COL25A1: variants seen among roughly 807,000 people sequenced by gnomAD.
The protein encoded by COL25A1 is collagen type XXV alpha 1 chain, also known as collagen alpha-1(XXV) chain.
Under a neutral mutation model 128.4 loss-of-function variants are expected in COL25A1, and 103 were observed. The observed-to-expected ratio is 0.80, with a 90% CI of 0.68 to 0.94. The LOEUF (loss-of-function observed/expected upper bound fraction) is 0.94, where lower values mean the gene tolerates loss of function less well. Among genes scored for constraint, COL25A1 ranks in the 40% least tolerant of loss-of-function variants. The pLI is 0.00. For synonymous variants in COL25A1, 279 were observed against 277.2 expected, an observed-to-expected ratio of 1.01 and a Z score of -0.06; for missense variants, 745 against 840.0, an observed-to-expected ratio of 0.89 and a Z score of 1.40.
intron 8 of COL25A1, among the ~76,000 whole-genome samples, chr4:108,973,827 TCCTAC>T (rs1388903158): frequency 1.9e-3 from 295 of 152,302 alleles, no homozygotes; most frequent in African/African-American, 6.8e-3. Flanking sequence ...GAATGCTCCC[TCCTAC>T]CTGCAATGCT....
At chr4:108,945,105 G>T (rs1426775890) in intron 8 of COL25A1, among the ~76,000 whole-genome samples, 1 of 152,002 alleles carries the variant, frequency 6.6e-6, no homozygotes, top group Non-Finnish European at 1.5e-5. Flanking sequence ...GTGTTTCAAA[G>T]CAATAATAAA....
In COL25A1 at chr4:109,083,452, T is replaced by TAAA. The variant is rs1560659251; in HGVS notation, c.368-33274_368-33273insTTT. On this transcript the variant is annotated intron_variant, in intron 3 of 37. Transcript: ENST00000399132. The stretch of plus-strand genomic sequence containing the variant: ...AATAACTTTTACACTAAATAAATTT[T>TAAA]TTTTTTTTTTTTTTTTTTTTTTTTT... Among the ~76,000 whole-genome samples, 511 of 110,484 alleles carry TAAA rather than the reference T, an allele frequency of 4.6e-3. 16 individuals are homozygous for TAAA. The highest frequency in any genetic ancestry group is 0.017 in the African/African-American group (472 of 26,984). The allele number at this position is 110,484 out of a possible 152,430, so 72.5% of individuals were successfully genotyped here.
At chr4:108,845,039 G>A in intron 29 of COL25A1, 150 bp downstream of exon 29, 1 of 741,488 alleles carries the variant, frequency 1.3e-6, no homozygotes, top group Admixed American at 2.0e-5. Flanking sequence ...GTGCAGGGCT[G>A]ACGGATGTTT....
intron 3 of COL25A1, among the ~76,000 whole-genome samples, chr4:109,274,106 T>C (rs749962206): frequency 5.9e-5 from 9 of 152,312 alleles, no homozygotes; most frequent in Non-Finnish European, 1.2e-4. Context: ...AAAATCAATC[T>C]TGGATGGTGT....
At chr4:108,873,713 A>C (rs987467937) in intron 19 of COL25A1, among the ~76,000 whole-genome samples, 29 of 152,106 alleles carry the variant, frequency 1.9e-4, no homozygotes, top group African/African-American at 6.5e-4. Flanking sequence ...AGTAACCCTA[A>C]ATTTTCTCAG....
intron 3 of COL25A1, among the ~76,000 whole-genome samples, chr4:109,233,868 T>C (rs1239370710): frequency 6.6e-6 from 1 of 152,114 alleles, no homozygotes; most frequent in African/African-American, 2.4e-5. Context: ...CTTTTCCATC[T>C]ACTCAACAAT....
intron 3 of COL25A1, among the ~76,000 whole-genome samples, chr4:109,054,536 A>G (rs561098501): frequency 1.2e-4 from 19 of 152,214 alleles, no homozygotes; most frequent in Admixed American, 1.2e-3. Flanking sequence ...CTTTTTAAAC[A>G]TAGTAAGAAT....
At chr4:109,050,791 T>C (rs533372768) in intron 3 of COL25A1, among the ~76,000 whole-genome samples, 1 of 152,282 alleles carries the variant, frequency 6.6e-6, no homozygotes, top group Admixed American at 6.5e-5. Context: ...ATTATAGGCC[T>C]GATTTTTCTA....
intron 24 of COL25A1, among the ~76,000 whole-genome samples, chr4:108,857,805 C>T (rs1046964213): frequency 6.6e-6 from 1 of 152,096 alleles, no homozygotes; most frequent in Non-Finnish European, 1.5e-5. Flanking sequence ...TAACCATTTA[C>T]TTAATATTTA....
chr4:108,863,751 A>G (rs1336885281), intron 20 of COL25A1, among the ~76,000 whole-genome samples: 2 of 152,200 alleles, frequency 1.3e-5, no homozygotes, highest in Non-Finnish European at 2.9e-5. Context: ...GGGGGCCCAG[A>G]TAGAAGAGGA....
intron 3 of COL25A1, among the ~76,000 whole-genome samples, chr4:109,065,379 A>G (rs1762331243): frequency 6.6e-6 from 1 of 152,124 alleles, no homozygotes; most frequent in Non-Finnish European, 1.5e-5. Context: ...GTCAATTATA[A>G]TCTGGCCAGA....
rs60383105 is a variant in COL25A1 at position 108,946,178 on chromosome 4, A to G, written c.493-4741T>C. ...TTGACATCATTACAGGAAAGGCTAT[A>G]TCTCCCCCTTCATTACCATCTAGAA... On this transcript the variant is annotated intron_variant, in intron 8 of 37. Coordinates refer to ENST00000399132, the MANE Select transcript of COL25A1 (RefSeq NM_198721.4). 4.5e-3 allele frequency among the ~76,000 whole-genome samples: 691 copies of G among 152,262 alleles called. 2 individuals are homozygous for G. Among genetic ancestry groups the G allele is most frequent in the African/African-American group, 0.016 (651 of 41,548 alleles).
chr4:108,994,762 C>T (rs1456688416), intron 6 of COL25A1, among the ~76,000 whole-genome samples: 1 of 152,176 alleles, frequency 6.6e-6, no homozygotes, highest in Admixed American at 6.5e-5. Flanking sequence ...ACAAAGCTTC[C>T]AGAGGAAGGA....
chr4:108,974,626 A>G (rs1288394804), intron 6 of COL25A1, 67 bp from the exon 7 acceptor site: 3 of 1,277,520 alleles, frequency 2.3e-6, no homozygotes, highest in Non-Finnish European at 3.2e-6. Flanking sequence ...TAGATCAGCC[A>G]GGTTAGTTGA....
intron 3 of COL25A1, among the ~76,000 whole-genome samples, chr4:109,070,467 A>G (rs1268474035): frequency 6.6e-6 from 1 of 152,010 alleles, no homozygotes; most frequent in African/African-American, 2.4e-5. Context: ...GTTTCATTTT[A>G]GAATAATTAC....
At chr4:109,002,972 A>ACTC (rs1755599167) in intron 6 of COL25A1, among the ~76,000 whole-genome samples, 1 of 151,664 alleles carries the variant, frequency 6.6e-6, no homozygotes, top group African/African-American at 2.4e-5. Flanking sequence ...ATGTTCCCCA[A>ACTC]CCTGTGTCCA....
At chr4:109,010,890 A>C (rs1183632337) in intron 5 of COL25A1, among the ~76,000 whole-genome samples, 2 of 152,252 alleles carry the variant, frequency 1.3e-5, no homozygotes, top group Non-Finnish European at 2.9e-5. Context: ...TAATTTAAAA[A>C]ATAAACCTTT....
At chr4:109,003,396 G>A (rs978656893) in intron 6 of COL25A1, among the ~76,000 whole-genome samples, 1 of 152,218 alleles carries the variant, frequency 6.6e-6, no homozygotes, top group Non-Finnish European at 1.5e-5. Flanking sequence ...AATAATACTT[G>A]TTGAGTAGTT....
chr4:109,049,033 A>T (rs1760730882), intron 4 of COL25A1, among the ~76,000 whole-genome samples: 1 of 151,690 alleles, frequency 6.6e-6, no homozygotes. Context: ...AATACTCTTT[A>T]AAAAAAATAA....
Sources: gnomAD v4.1 joint callset for allele counts (sites outside exome capture counted in the v4.1 genomes callset) on GRCh38, gnomAD v4.1.1 for gene constraint, MANE v1.5 for transcripts, NCBI Gene and HGNC (gene_info 2026-07-23, HGNC 2026-07-21) for gene names.